Variants in PHKA1 observed in about 807,000 individuals in gnomAD.
PHKA1 encodes the protein phosphorylase kinase regulatory subunit alpha 1, also known as phosphorylase b kinase regulatory subunit alpha, skeletal muscle isoform.
In PHKA1, 60 loss-of-function variants were observed where a neutral mutation model predicts 110.2. That is an observed-to-expected ratio of 0.54 (90% CI 0.44 to 0.68). PHKA1 has a LOEUF of 0.68. Ranked by LOEUF, PHKA1 falls within the 30% of genes least tolerant of loss-of-function variation. PHKA1 has a pLI of 0.00. For missense variants in PHKA1, 801 were observed against 942.5 expected (o/e 0.85, Z 1.97); for synonymous variants, 316 against 333.6 (o/e 0.95, Z 0.58).
intron 5 of PHKA1, among the ~76,000 whole-genome samples, chrX:72,678,861 C>T (rs1289162066): frequency 8.9e-6 from 1 of 112,154 alleles, no homozygotes; most frequent in Non-Finnish European, 1.9e-5. Flanking sequence ...TAAGAGTTTG[C>T]AGGCCACTAT....
At chrX:72,713,700 A>ACACACACACC (rs1227758107) in intron 1 of PHKA1, 103 bp downstream of exon 1, 9 of 619,636 alleles carry the variant, frequency 1.5e-5, no homozygotes, top group Admixed American at 7.8e-5. Context: ...ACACACACAC[A>ACACACACACC]CCCACACACG....
chrX:72,684,508 T>G lies in PHKA1; in HGVS notation c.527A>C (p.Tyr176Ser). Residue 176 changes from tyrosine to serine, a missense_variant, in exon 5 of 32, where the codon TAT becomes TCT. Tyr to Ser is a moderately radical substitution (Grantham distance 144). Transcript: ENST00000373542. ...QNLVFYIEAA[Y>S]KTADFGIWER... ...AAAATCAGTACTTACAGCAGTTTTA[T>G]ATGCAGCTTCAATGTAAAACACAAG... The G allele has an allele frequency of 8.7e-7, 1 of 1,149,871 alleles. No homozygotes were observed. Among genetic ancestry groups the G allele is most frequent in the South Asian group, 1.8e-5 (1 of 55,493 alleles). The allele number at this position is 1,149,871 out of a possible 1,213,427, so 94.8% of individuals were successfully genotyped here.
At chrX:72,688,593 T>C (rs2053996648) in intron 4 of PHKA1, among the ~76,000 whole-genome samples, 1 of 112,404 alleles carries the variant, frequency 8.9e-6, no homozygotes, top group Admixed American at 9.4e-5. Flanking sequence ...GAAATCCTAC[T>C]GTTCTTTCAA....
chrX:72,603,930 A>G (rs1283509895), intron 25 of PHKA1, among the ~76,000 whole-genome samples: 1 of 111,093 alleles, frequency 9.0e-6, no homozygotes, highest in Non-Finnish European at 1.9e-5. Context: ...AACTGACAAA[A>G]TTAGTGGGAA....
At chrX:72,617,116 C>G (rs1040727674) in intron 21 of PHKA1, among the ~76,000 whole-genome samples, 3 of 110,662 alleles carry the variant, frequency 2.7e-5, no homozygotes, top group Non-Finnish European at 5.7e-5. Flanking sequence ...ACAAACTAAA[C>G]CCAAAATTAG....
chrX:72,698,780 A>G (rs1857438806), intron 3 of PHKA1, among the ~76,000 whole-genome samples: 1 of 112,424 alleles, frequency 8.9e-6, no homozygotes, highest in African/African-American at 3.2e-5. Flanking sequence ...TATAAGCTAA[A>G]TTCCTCCCAA....
intron 13 of PHKA1, among the ~76,000 whole-genome samples, chrX:72,648,432 CAG>C (rs2053386977): frequency 9.0e-6 from 1 of 111,259 alleles, no homozygotes; most frequent in African/African-American, 3.3e-5. Flanking sequence ...GGATTGAAAA[CAG>C]AGAAGGTGTG....
chrX:72,680,117 C>T (rs1416443738), intron 5 of PHKA1, among the ~76,000 whole-genome samples: 3 of 110,383 alleles, frequency 2.7e-5, no homozygotes, highest in African/African-American at 6.6e-5. Context: ...GGGGTTCAAG[C>T]GATTCTCCTG....
chrX:72,587,952 A>G (rs2052458943), intron 29 of PHKA1, among the ~76,000 whole-genome samples: 1 of 111,803 alleles, frequency 8.9e-6, no homozygotes, highest in South Asian at 3.7e-4. Context: ...AGAGACCTAG[A>G]AAGAGACTCA....
chrX:72,600,296 G>A (rs1556240939), intron 28 of PHKA1, among the ~76,000 whole-genome samples: 5 of 110,822 alleles, frequency 4.5e-5, no homozygotes, highest in Admixed American at 3.9e-4. Flanking sequence ...GATGTAGCTG[G>A]GTAGATCAAG....
At chrX:72,642,330 G>A (rs894973956) in intron 14 of PHKA1, among the ~76,000 whole-genome samples, 4 of 111,551 alleles carry the variant, frequency 3.6e-5, no homozygotes, top group Non-Finnish European at 7.5e-5. Flanking sequence ...TAGATGCAAT[G>A]AGGCAATGGG....
chrX:72,593,341 C>CTTTTTT, intron 28 of PHKA1, 67 bp from the exon 29 acceptor site: 1 of 626,093 alleles, frequency 1.6e-6, no homozygotes, highest in Non-Finnish European at 2.4e-6. Context: ...AGTCTTTGAA[C>CTTTTTT]TTTTTTTTTT....
Position 72,635,196 on chromosome X carries a change from C to T in PHKA1, c.1673G>A (p.Gly558Asp). 3 of 1,211,702 alleles carry T rather than the reference C, an allele frequency of 2.5e-6. No homozygotes were observed. Among genetic ancestry groups the T allele is most frequent in the Non-Finnish European group, 3.4e-6 (3 of 895,414 alleles). ...SYLCSRWRMTGQPTITFPISH... is the reference protein window; with the variant it reads ...SYLCSRWRMTDQPTITFPISH... Reference sequence around the variant, plus strand: ...GATGGGGAAGGTGATGGTGGGCTGGCCTGTCATCCGCCAGCGGCTACAGAG... The same window carrying T: ...GATGGGGAAGGTGATGGTGGGCTGGTCTGTCATCCGCCAGCGGCTACAGAG... The change falls in exon 16 of 32, where the codon GGC becomes GAC. Residue 558 changes from glycine to aspartate, a missense_variant. Physicochemically the swap from Gly to Asp is moderately conservative, Grantham distance 94 (BLOSUM62 -1). Coordinates refer to ENST00000373542, the MANE Select transcript of PHKA1 (RefSeq NM_002637.4).
chrX:72,643,708 C>T (rs555932721), intron 14 of PHKA1, among the ~76,000 whole-genome samples: 105 of 111,669 alleles, frequency 9.4e-4, no homozygotes, highest in Middle Eastern at 9.2e-3. Context: ...TAGGGACCAC[C>T]TGGGTAATCC....
chrX:72,628,987 GAATT>G (rs1266355852), intron 16 of PHKA1, among the ~76,000 whole-genome samples: 9 of 111,365 alleles, frequency 8.1e-5, no homozygotes, highest in African/African-American at 2.6e-4. Context: ...AAGCCTAAAT[GAATT>G]ATTTTCCCAA....
At chrX:72,588,200 A>C (rs1556217789) in intron 29 of PHKA1, among the ~76,000 whole-genome samples, 1 of 112,360 alleles carries the variant, frequency 8.9e-6, no homozygotes, top group East Asian at 2.8e-4. Context: ...CTTCTCAGCA[A>C]ATGTAAAACA....
chrX:72,583,691 G>GA (rs1556206620), intron 30 of PHKA1, among the ~76,000 whole-genome samples: 1 of 112,337 alleles, frequency 8.9e-6, no homozygotes, highest in African/African-American at 3.2e-5. Flanking sequence ...GGACAAAAAG[G>GA]AAAATATAAA....
intron 4 of PHKA1, among the ~76,000 whole-genome samples, chrX:72,694,830 T>C (rs1456716435): frequency 1.8e-5 from 2 of 111,848 alleles, no homozygotes; most frequent in Non-Finnish European, 3.8e-5. Flanking sequence ...ACTCCAGAAT[T>C]GGTATTAAAG....
intron 16 of PHKA1, among the ~76,000 whole-genome samples, chrX:72,627,866 G>C (rs1283344462): frequency 1.1e-5 from 1 of 95,144 alleles, no homozygotes; most frequent in Non-Finnish European, 2.0e-5. Flanking sequence ...TACCTAGGCT[G>C]GGGTGCAATG....
Sources: gnomAD v4.1 joint callset for allele counts (sites outside exome capture counted in the v4.1 genomes callset) on GRCh38, gnomAD v4.1.1 for gene constraint, MANE v1.5 for transcripts, NCBI Gene and HGNC (gene_info 2026-07-23, HGNC 2026-07-21) for gene names.